The following RYR2 variants were observed in gnomAD, a reference collection of about 807,000 sequenced individuals.
RYR2 encodes the protein ryanodine receptor 2.
A neutral mutation model predicts 601.1 loss-of-function variants in RYR2; 227 were observed. That is an observed-to-expected ratio of 0.38 (90% CI 0.34 to 0.42). The LOEUF is 0.42. Ranked by LOEUF, RYR2 falls within the 10% of genes least tolerant of loss-of-function variation. The pLI, the probability that RYR2 is intolerant of heterozygous loss-of-function variation, is 1.00. For synonymous variants in RYR2, 2,223 were observed against 2,175.1 expected (o/e 1.02, Z -0.61); for missense variants, 4,646 against 6,156.5 (o/e 0.75, Z 8.21).
chr1:237,097,875 G>A (rs1667654831), intron 1 of RYR2, among the ~76,000 whole-genome samples: 1 of 152,204 alleles, frequency 6.6e-6, no homozygotes, highest in African/African-American at 2.4e-5. Context: ...CTTGACAAGT[G>A]AGTGCCCCCA....
chr1:237,716,938 A>G (rs1689314033), intron 71 of RYR2, among the ~76,000 whole-genome samples: 1 of 152,170 alleles, frequency 6.6e-6, no homozygotes, highest in Non-Finnish European at 1.5e-5. Context: ...CTAAAATTAC[A>G]ATTTTCATTT....
intron 3 of RYR2, chr1:237,352,934 T>G (rs1054814871): frequency 1.0e-5 from 5 of 476,466 alleles, no homozygotes; most frequent in African/African-American, 7.8e-5. Flanking sequence ...ATACCAGGTA[T>G]GTCGCAACTT....
intron 48 of RYR2, among the ~76,000 whole-genome samples, 166 bp downstream of exon 48, chr1:237,643,613 T>G (rs1681806734): frequency 2.1e-5 from 1 of 48,532 alleles, no homozygotes. Flanking sequence ...ATTTTATAAT[T>G]TTTTCCTTTT....
At chr1:237,475,580 A>T (rs1424472195) in intron 17 of RYR2, among the ~76,000 whole-genome samples, 9 of 152,226 alleles carry the variant, frequency 5.9e-5, no homozygotes, top group Admixed American at 2.0e-4. Flanking sequence ...AGCAAAAATT[A>T]TACAGAGACA....
intron 12 of RYR2, among the ~76,000 whole-genome samples, chr1:237,433,331 GTAAT>G (rs199831720): frequency 0.042 from 4,207 of 100,026 alleles, 217 homozygotes; most frequent in African/African-American, 0.14. Flanking sequence ...AAAAATTAGA[GTAAT>G]TGATAGTGCT....
chr1:237,089,881 G>A (rs150162325), intron 1 of RYR2, among the ~76,000 whole-genome samples: 210 of 152,242 alleles, frequency 1.4e-3, no homozygotes, highest in African/African-American at 4.9e-3. Flanking sequence ...CTGAATAAGG[G>A]CCTGTATTAG....
chr1:237,109,954 A>G (rs2485596), intron 1 of RYR2, among the ~76,000 whole-genome samples: 42,970 of 151,742 alleles, frequency 0.28, 6,320 homozygotes, highest in East Asian at 0.51. Flanking sequence ...CACAAGACAG[A>G]CACAGGGCCA....
At chr1:237,346,367 C>CAAAAAAAAAAAAAAAAAAAAAA (rs397975831) in intron 3 of RYR2, among the ~76,000 whole-genome samples, 1,061 of 61,830 alleles carry the variant, frequency 0.017, 57 homozygotes, top group East Asian at 0.052. Flanking sequence ...GGGTCTACCT[C>CAAAAAAAAAAAAAAAAAAAAAA]AAAAAAAAAA....
chr1:237,802,990 A>G (rs932251977), intron 98 of RYR2, among the ~76,000 whole-genome samples: 1 of 152,158 alleles, frequency 6.6e-6, no homozygotes, highest in African/African-American at 2.4e-5. Flanking sequence ...TGTTTGGCCA[A>G]TCACCTCTCA....
Position 237,657,873 on chromosome 1 carries a change from A to T in RYR2, c.8130-71A>T. ...GAGATATAAGCATTCATAAGCTGTG[A>T]GTAAATTATTAATATGATTTCCTGT... On this transcript the variant is annotated intron_variant, in intron 53 of 104. Transcript: ENST00000366574. 11 of 803,874 alleles carry T rather than the reference A, an allele frequency of 1.4e-5. No individual in the cohort carries two copies. In the South Asian group the frequency reaches 1.9e-4, roughly 14 times the overall value. The allele number at this position is 803,874 out of a possible 1,614,324, so 49.8% of individuals were successfully genotyped here. A position where few individuals can be genotyped will look rare whatever the true frequency, so the allele number is the denominator to read the frequency against.
chr1:237,228,850 T>C (rs2149177088), intron 1 of RYR2, among the ~76,000 whole-genome samples: 1 of 152,318 alleles, frequency 6.6e-6, no homozygotes, highest in South Asian at 2.1e-4. Context: ...CTCTTCCTTT[T>C]CATGGTTTTT....
rs77937606 is a variant in RYR2 at position 237,581,580 on chromosome 1, A to G, written c.3599-8213A>G. 1.6e-3 allele frequency among the ~76,000 whole-genome samples: 245 copies of G among 152,274 alleles called. 2 individuals are homozygous for G. In the East Asian group the frequency reaches 0.04, roughly 25 times the overall value. On this transcript the variant is annotated intron_variant, in intron 29 of 104. Transcript: ENST00000366574. ...GATATAGAACTACTAGTTTGTTCCT[A>G]CAGTATGCTTTGTACCCTCAGTTGA...
intron 5 of RYR2, among the ~76,000 whole-genome samples, chr1:237,367,329 C>T (rs898196632): frequency 4.6e-5 from 7 of 152,060 alleles, no homozygotes; most frequent in Non-Finnish European, 1.0e-4. Flanking sequence ...TGACCTCACA[C>T]GATCCACCTG....
chr1:237,385,971 G>T (rs1701927944), intron 8 of RYR2, among the ~76,000 whole-genome samples: 1 of 152,180 alleles, frequency 6.6e-6, no homozygotes, highest in Non-Finnish European at 1.5e-5. Context: ...GATGGGATAT[G>T]ATTTATTTGT....
intron 10 of RYR2, among the ~76,000 whole-genome samples, chr1:237,393,909 G>A (rs560280579): frequency 1.5e-4 from 23 of 152,190 alleles, no homozygotes; most frequent in Admixed American, 3.3e-4. Flanking sequence ...CAAAAACGTG[G>A]GCTTCTAACA....
At chr1:237,174,028 G>A (rs1274899581) in intron 1 of RYR2, among the ~76,000 whole-genome samples, 6 of 151,196 alleles carry the variant, frequency 4.0e-5, no homozygotes, top group African/African-American at 1.5e-4. Flanking sequence ...CTGCACTCCA[G>A]CCTGGGCGAC....
At chr1:237,251,028 A>ATGTG (rs3056167) in intron 1 of RYR2, among the ~76,000 whole-genome samples, 3,347 of 139,168 alleles carry the variant, frequency 0.024, 49 homozygotes, top group South Asian at 0.029. Context: ...TCCCCAACAG[A>ATGTG]TGTGTGTGTG....
At chr1:237,063,697 G>C (rs1663176197) in intron 1 of RYR2, among the ~76,000 whole-genome samples, 1 of 152,042 alleles carries the variant, frequency 6.6e-6, no homozygotes. Context: ...GCACTGTCTA[G>C]TGCCTTTCCG....
chr1:237,442,042 T>C (rs1356476112), intron 13 of RYR2, among the ~76,000 whole-genome samples: 1 of 152,214 alleles, frequency 6.6e-6, no homozygotes, highest in Non-Finnish European at 1.5e-5. Context: ...AATAAATGTT[T>C]CTTGAATGAA....
Sources: gnomAD v4.1 joint callset for allele counts (sites outside exome capture counted in the v4.1 genomes callset) on GRCh38, gnomAD v4.1.1 for gene constraint, MANE v1.5 for transcripts, NCBI Gene and HGNC (gene_info 2026-07-23, HGNC 2026-07-21) for gene names.